DPYD: variants seen among roughly 807,000 people sequenced by gnomAD.
DPYD encodes dihydropyrimidine dehydrogenase [NADP(+)].
DPYD carries 109 observed loss-of-function variants against 116.2 expected under a neutral mutation model. The ratio of observed to expected loss-of-function variants is 0.94; its 90% CI spans 0.80 to 1.10. DPYD has a LOEUF of 1.10. Among genes scored for constraint, DPYD ranks in the 50% least tolerant of loss-of-function variants. DPYD has a pLI of 0.00. For synonymous variants in DPYD, 440 were observed against 432.0 expected (o/e 1.02, Z -0.23); for missense variants, 1,302 against 1,254.5 (o/e 1.04, Z -0.57).
chr1:97,446,877 G>C (rs1676113661), intron 14 of DPYD, among the ~76,000 whole-genome samples: 1 of 152,008 alleles, frequency 6.6e-6, no homozygotes, highest in South Asian at 2.1e-4. Context: ...CTCAGCTTAG[G>C]AACAAAAAGC....
At chr1:97,562,993 A>G (rs1361534526) in intron 11 of DPYD, among the ~76,000 whole-genome samples, 1 of 152,188 alleles carries the variant, frequency 6.6e-6, no homozygotes, top group Non-Finnish European at 1.5e-5. Context: ...TGCTGGGATT[A>G]CAGGCGTGAG....
At chr1:97,461,856 C>G (rs1210569459) in intron 13 of DPYD, among the ~76,000 whole-genome samples, 3 of 152,184 alleles carry the variant, frequency 2.0e-5, no homozygotes, top group Admixed American at 6.5e-5. Flanking sequence ...CAATCTTTAT[C>G]ACAAGGTTAA....
At chr1:97,260,189 A>T (rs561921760) in intron 18 of DPYD, among the ~76,000 whole-genome samples, 1 of 152,274 alleles carries the variant, frequency 6.6e-6, no homozygotes, top group South Asian at 2.1e-4. Flanking sequence ...AATGGTAATA[A>T]TAGAAATAGT....
At chr1:97,676,847 A>G (rs1244003367) in intron 8 of DPYD, among the ~76,000 whole-genome samples, 4 of 152,176 alleles carry the variant, frequency 2.6e-5, no homozygotes, top group Non-Finnish European at 5.9e-5. Flanking sequence ...TTTTTCTCGT[A>G]TATGTTTCAT....
At chr1:97,598,528 G>A (rs907957636) in intron 8 of DPYD, among the ~76,000 whole-genome samples, 13 of 150,758 alleles carry the variant, frequency 8.6e-5, no homozygotes, top group Non-Finnish European at 1.5e-4. Context: ...TGGTGTTTTA[G>A]CATGCATTTA....
chr1:97,287,256 C>T (rs1046045063), intron 18 of DPYD, among the ~76,000 whole-genome samples: 7 of 152,122 alleles, frequency 4.6e-5, no homozygotes, highest in African/African-American at 9.7e-5. Context: ...TCATGAACCA[C>T]GAATGCTGCT....
At chr1:97,741,352 C>T (rs1310681907) in intron 3 of DPYD, among the ~76,000 whole-genome samples, 2 of 152,090 alleles carry the variant, frequency 1.3e-5, no homozygotes, top group Non-Finnish European at 2.9e-5. Context: ...GGGGGACTGG[C>T]CAGAGATGTA....
At chr1:97,592,838 C>T (rs145074864) in intron 10 of DPYD, among the ~76,000 whole-genome samples, 1 of 152,112 alleles carries the variant, frequency 6.6e-6, no homozygotes, top group South Asian at 2.1e-4. Flanking sequence ...AATTGGCTTA[C>T]GGAAAATTCC....
intron 8 of DPYD, among the ~76,000 whole-genome samples, chr1:97,661,335 G>C (rs1659243773): frequency 6.6e-6 from 1 of 152,048 alleles, no homozygotes; most frequent in South Asian, 2.1e-4. Flanking sequence ...ATACCAATTA[G>C]CCTACAATGG....
intron 2 of DPYD, among the ~76,000 whole-genome samples, chr1:97,852,980 T>C (rs1243071901): frequency 1.3e-5 from 2 of 152,154 alleles, no homozygotes; most frequent in Non-Finnish European, 2.9e-5. Context: ...CCCCTTTGTA[T>C]CATGACATCA....
At chr1:97,873,472 A>G (rs752772902) in intron 2 of DPYD, among the ~76,000 whole-genome samples, 11 of 151,966 alleles carry the variant, frequency 7.2e-5, no homozygotes, top group Non-Finnish European at 1.6e-4. Context: ...ACGGAAACCA[A>G]TCAATAGCTT....
At chr1:97,700,118 C>G (rs1239142823) in intron 5 of DPYD, 2 of 416,930 alleles carry the variant, frequency 4.8e-6, no homozygotes, top group Admixed American at 5.6e-5. Context: ...GGGCTAACAT[C>G]TCAGAGGAAA....
At chr1:97,485,532 T>G (rs141137360) in intron 13 of DPYD, among the ~76,000 whole-genome samples, 1 of 152,286 alleles carries the variant, frequency 6.6e-6, no homozygotes, top group African/African-American at 2.4e-5. Flanking sequence ...CTTCTCATTG[T>G]ATTTTCCATG....
intron 13 of DPYD, among the ~76,000 whole-genome samples, chr1:97,463,248 G>A (rs1026180039): frequency 1.3e-5 from 2 of 152,190 alleles, no homozygotes; most frequent in Non-Finnish European, 2.9e-5. Flanking sequence ...AGTCTTTCCT[G>A]TGATGTTCTC....
chr1:97,473,373 T>A (rs1570792262), intron 13 of DPYD, among the ~76,000 whole-genome samples: 2 of 152,238 alleles, frequency 1.3e-5, no homozygotes, highest in Non-Finnish European at 2.9e-5. Flanking sequence ...CTTTTTTTAT[T>A]CATTCATCAA....
chr1:97,362,960 A>C (rs1670817967), intron 16 of DPYD, among the ~76,000 whole-genome samples: 1 of 152,250 alleles, frequency 6.6e-6, no homozygotes, highest in South Asian at 2.1e-4. Flanking sequence ...AATGGGATCT[A>C]ATTAAACTAA....
intron 14 of DPYD, among the ~76,000 whole-genome samples, chr1:97,429,394 ACTTC>A (rs1219409986): frequency 6.6e-6 from 1 of 152,098 alleles, no homozygotes; most frequent in Admixed American, 6.6e-5. Context: ...TTAAGAAATA[ACTTC>A]AGCATACATT....
At chr1:97,400,282 C>T (rs1246421054) in intron 14 of DPYD, among the ~76,000 whole-genome samples, 1 of 152,198 alleles carries the variant, frequency 6.6e-6, no homozygotes, top group African/African-American at 2.4e-5. Context: ...ACCAGCCTTG[C>T]ATCCCAGGGA....
chr1:97,466,927 T>C (rs1468148790), intron 13 of DPYD, among the ~76,000 whole-genome samples: 1 of 152,040 alleles, frequency 6.6e-6, no homozygotes, highest in African/African-American at 2.4e-5. Flanking sequence ...GAACCCCCTT[T>C]AGGGGCCTGC....
Sources: gnomAD v4.1 joint callset for allele counts (sites outside exome capture counted in the v4.1 genomes callset) on GRCh38, gnomAD v4.1.1 for gene constraint, MANE v1.5 for transcripts, NCBI Gene and HGNC (gene_info 2026-07-23, HGNC 2026-07-21) for gene names.